The following SLC18A1 variants were observed in gnomAD, a reference collection of about 807,000 sequenced individuals.
SLC18A1 encodes the protein chromaffin granule amine transporter.
A neutral mutation model predicts 53.7 loss-of-function variants in SLC18A1; 69 were observed. That is an observed-to-expected ratio of 1.28 (90% CI 1.06 to 1.57). SLC18A1 has a LOEUF of 1.57. SLC18A1 is among the 40% of genes most tolerant of loss of function. The pLI, the probability that SLC18A1 is intolerant of heterozygous loss-of-function variation, is 0.00. For missense variants in SLC18A1, 932 were observed against 668.1 expected (o/e 1.40, Z -4.35); for synonymous variants, 320 against 248.1 (o/e 1.29, Z -2.72).
intron 4 of SLC18A1, among the ~76,000 whole-genome samples, chr8:20,177,458 G>T (rs1230153810): frequency 6.6e-6 from 1 of 152,172 alleles, no homozygotes; most frequent in Non-Finnish European, 1.5e-5. Flanking sequence ...ATGGACACCG[G>T]AAGGGGAACT....
At chr8:20,149,762 G>C (rs951530220) in intron 11 of SLC18A1, 35 bp from the exon 12 acceptor site, 3 of 1,607,302 alleles carry the variant, frequency 1.9e-6, no homozygotes, top group Non-Finnish European at 2.6e-6. Flanking sequence ...ACACCACTAG[G>C]GGAGAGCTCC....
intron 4 of SLC18A1, chr8:20,175,412 T>A (rs959899795): frequency 9.2e-5 from 14 of 152,126 alleles, no homozygotes; most frequent in African/African-American, 3.4e-4. Context: ...ATTATAAGAG[T>A]ATTGATAATT....
intron 10 of SLC18A1, among the ~76,000 whole-genome samples, chr8:20,163,554 G>T (rs923323741): frequency 3.3e-5 from 5 of 152,064 alleles, no homozygotes; most frequent in Non-Finnish European, 7.4e-5. Context: ...CAAAAGCATG[G>T]ACTCCTTTGG....
At chr8:20,179,552 G>A (rs551594685) in intron 2 of SLC18A1, 68 bp from the exon 3 acceptor site, 1 of 1,530,426 alleles carries the variant, frequency 6.5e-7, no homozygotes, top group East Asian at 2.3e-5. Context: ...AAACTCAAGG[G>A]GCTAAGGACA....
intron 12 of SLC18A1, chr8:20,148,316 A>G: frequency 3.3e-6 from 2 of 612,224 alleles, no homozygotes; most frequent in South Asian, 3.8e-5. Flanking sequence ...AATGAGTGGC[A>G]AGATCAAGTT....
Position 20,179,445 on chromosome 8 carries a change from T to A in SLC18A1, c.164A>T (p.Lys55Ile), listed in dbSNP as rs550195760. Reference protein sequence around the residue: ...VPTFLYDMEFKEVNSSLHLGH... With the variant: ...VPTFLYDMEFIEVNSSLHLGH... ...GAGGTGCAGAGAAGAGTTGACTTCT[T>A]TGAACTCCATGTCATATAGGAAGGT... The change falls in exon 3 of 16, where the codon AAA (lysine) becomes ATA (isoleucine). Residue 55 changes from lysine (K) to isoleucine (I), a missense_variant. By Grantham distance (102) the Lys-to-Ile change is moderately radical (BLOSUM62 -3). Coordinates refer to ENST00000276373, the MANE Select transcript of SLC18A1 (RefSeq NM_003053.4). 5.0e-5 allele frequency: 80 copies of A among 1,613,616 alleles called. No homozygotes were observed. The highest frequency in any genetic ancestry group is 6.5e-5 in the Non-Finnish European group (77 of 1,179,914).
chr8:20,180,915 C>T lies in SLC18A1; in HGVS notation c.50G>A (p.Arg17Lys). The change falls in exon 2 of 16, where the codon AGA (arginine) becomes AAA (lysine). Residue 17 changes from arginine (R) to lysine (K), a missense_variant. Physicochemically the swap from Arg to Lys is conservative, Grantham distance 26. Coordinates refer to ENST00000276373, the MANE Select transcript of SLC18A1 (RefSeq NM_003053.4). ...CACCAGCACCAGCTGCCGGGACGCT[C>T]TCCCCTCCTTCAGCAACCGCTGGGG... The part of the protein sequence containing the change: ...DAPQRLLKEG[R>K]ASRQLVLVVV... 6.2e-7 allele frequency: 1 copy of T among 1,610,304 alleles called. No homozygotes were observed. The highest frequency in any genetic ancestry group is 8.5e-7 in the Non-Finnish European group (1 of 1,178,178).
chr8:20,179,030 T>G (rs2072334905), intron 3 of SLC18A1, 91 bp downstream of exon 3: 1 of 1,455,142 alleles, frequency 6.9e-7, no homozygotes, highest in Non-Finnish European at 9.3e-7. Flanking sequence ...CAAGTGAGTA[T>G]TTCTTCTTTT....
chr8:20,179,657 G>C (rs1484067439), intron 2 of SLC18A1, among the ~76,000 whole-genome samples, 173 bp from the exon 3 acceptor site: 1 of 152,202 alleles, frequency 6.6e-6, no homozygotes, highest in Non-Finnish European at 1.5e-5. Context: ...CTATGATGAG[G>C]TTCAGCCTTA....
chr8:20,158,701 T>A (rs2071742205), intron 10 of SLC18A1, among the ~76,000 whole-genome samples: 1 of 152,140 alleles, frequency 6.6e-6, no homozygotes, highest in African/African-American at 2.4e-5. Flanking sequence ...CAGTGGAGGT[T>A]AGTGCAAGAT....
chr8:20,179,182 A>G lies in SLC18A1; in HGVS notation c.427T>C (p.Phe143Leu). The change falls in exon 3 of 16, where the codon TTT becomes CTT. Residue 143 changes from phenylalanine to leucine, a missense_variant. Phe to Leu is a conservative substitution (Grantham distance 22, BLOSUM62 0). Transcript: ENST00000276373. Reference sequence around the variant, plus strand: ...AGTTGCATCACAGCCTTTGAAGCAAACAGAACCCCGACCCGGGTAATCTCT... The same window carrying G: ...AGTTGCATCACAGCCTTTGAAGCAAGCAGAACCCCGACCCGGGTAATCTCT... ...EEEITRVGVL[F>L]ASKAVMQLLV... 1 of 1,614,156 alleles carries G rather than the reference A, an allele frequency of 6.2e-7. No homozygotes were observed. Among genetic ancestry groups the G allele is most frequent in the African/African-American group, 1.3e-5 (1 of 75,038 alleles).
In SLC18A1 at chr8:20,180,853, A is replaced by G; in HGVS notation, c.112T>C (p.Phe38Leu). The G allele has an allele frequency of 6.2e-7, 1 of 1,614,006 alleles. No homozygotes were observed. The highest frequency in any genetic ancestry group is 8.5e-7 in the Non-Finnish European group (1 of 1,179,922). ...FVALLLDNML[F>L]TVVVPIVPTF... ...CCCACAAACGTACCCACCACAGTAA[A>G]CAGCATGTTGTCCAGGAGCAAAGCG... is the stretch of plus-strand genomic sequence containing the variant. The change falls in exon 2 of 16, where the codon TTT becomes CTT. Residue 38 changes from phenylalanine to leucine, a missense_variant. By Grantham distance (22) the Phe-to-Leu change is conservative. Coordinates refer to ENST00000276373, the MANE Select transcript of SLC18A1 (RefSeq NM_003053.4).
At chr8:20,167,767 C>T (rs2072006151) in intron 8 of SLC18A1, among the ~76,000 whole-genome samples, 1 of 151,234 alleles carries the variant, frequency 6.6e-6, no homozygotes, top group Admixed American at 6.6e-5. Flanking sequence ...ACTACAGGCA[C>T]CCACCGCCAC....
Position 20,147,317 on chromosome 8 carries a change from T to C in SLC18A1, c.1405A>G (p.Ile469Val). The change falls in exon 15 of 16, where the codon ATC becomes GTC. Residue 469 changes from isoleucine to valine, a missense_variant. Physicochemically the swap from Ile to Val is conservative, Grantham distance 29. Coordinates refer to ENST00000276373, the MANE Select transcript of SLC18A1 (RefSeq NM_003053.4). ...TAGTAGCAGAGTGGAGCATAGACGATGTTGATGACCCCAGTGATGACCATG... is the reference window on the plus strand; with the variant it reads ...TAGTAGCAGAGTGGAGCATAGACGACGTTGATGACCCCAGTGATGACCATG... ...WLMVITGVIN[I>V]VYAPLCYYLR... 2 of 1,613,710 alleles carry C rather than the reference T, an allele frequency of 1.2e-6. No individual in the cohort carries two copies. The highest frequency in any genetic ancestry group is 8.5e-7 in the Non-Finnish European group (1 of 1,179,920).
intron 10 of SLC18A1, among the ~76,000 whole-genome samples, chr8:20,156,935 CT>C (rs2071697737): frequency 6.6e-6 from 1 of 152,178 alleles, no homozygotes; most frequent in Non-Finnish European, 1.5e-5. Context: ...GAACTCACCC[CT>C]GATCGCAAAG....
At chr8:20,166,439 G>T (rs2071968116) in intron 8 of SLC18A1, among the ~76,000 whole-genome samples, 1 of 150,584 alleles carries the variant, frequency 6.6e-6, no homozygotes, top group Non-Finnish European at 1.5e-5. Flanking sequence ...AATACATAGT[G>T]TGCTGCCTTT....
At chr8:20,155,527 G>A (rs779535489) in intron 10 of SLC18A1, among the ~76,000 whole-genome samples, 29 of 152,106 alleles carry the variant, frequency 1.9e-4, no homozygotes, top group Admixed American at 2.6e-4. Flanking sequence ...CCCAAACTCC[G>A]GGCATTGATC....
intron 2 of SLC18A1, 81 bp downstream of exon 2, chr8:20,180,760 C>A: frequency 6.5e-7 from 1 of 1,546,980 alleles, no homozygotes; most frequent in Non-Finnish European, 8.8e-7. Context: ...GATGGATTCA[C>A]TGTTGAACTC....
intron 10 of SLC18A1, among the ~76,000 whole-genome samples, chr8:20,156,540 G>C (rs1002193549): frequency 2.0e-5 from 3 of 152,198 alleles, no homozygotes; most frequent in Admixed American, 2.0e-4. Flanking sequence ...TAGAAGCAGA[G>C]TTGGGAAAAT....
Sources: allele counts gnomAD v4.1 joint callset (sites outside exome capture counted in the v4.1 genomes callset), GRCh38; gene constraint gnomAD v4.1.1; transcripts MANE v1.5; gene names NCBI Gene and HGNC (gene_info 2026-07-23, HGNC 2026-07-21).